Variants in ARHGEF3 observed in about 807,000 individuals in gnomAD.
ARHGEF3 encodes the protein Rho guanine nucleotide exchange factor 3.
ARHGEF3 carries 28 observed loss-of-function variants against 63.2 expected under a neutral mutation model. That is an observed-to-expected ratio of 0.44 (90% CI 0.33 to 0.61). The LOEUF is 0.61. Among genes scored for constraint, ARHGEF3 ranks in the 20% least tolerant of loss-of-function variants. ARHGEF3 has a pLI of 0.03. For missense variants in ARHGEF3, 533 were observed against 659.3 expected, an observed-to-expected ratio of 0.81 and a Z score of 2.10; for synonymous variants, 266 against 254.2, an observed-to-expected ratio of 1.05 and a Z score of -0.44.
intron 2 of ARHGEF3, among the ~76,000 whole-genome samples, chr3:56,975,421 AAAT>A (rs559603168): frequency 2.0e-5 from 3 of 152,058 alleles, no homozygotes; most frequent in Non-Finnish European, 2.9e-5. Flanking sequence ...CTGTCTCAAA[AAAT>A]AATAATAATA....
chr3:57,008,426 T>A (rs537702143), intron 2 of ARHGEF3, among the ~76,000 whole-genome samples: 1 of 151,910 alleles, frequency 6.6e-6, no homozygotes, highest in East Asian at 1.9e-4. Context: ...CTGGATGGAA[T>A]TGGAAGAAAT....
chr3:56,995,712 G>C (rs979741563), intron 2 of ARHGEF3, among the ~76,000 whole-genome samples: 1 of 150,884 alleles, frequency 6.6e-6, no homozygotes, highest in Non-Finnish European at 1.5e-5. Context: ...CCCCAGTAGA[G>C]AGAAACCTAA....
intron 3 of ARHGEF3, among the ~76,000 whole-genome samples, chr3:56,906,010 G>A (rs1396401415): frequency 2.6e-5 from 4 of 152,074 alleles, no homozygotes; most frequent in African/African-American, 4.8e-5. Flanking sequence ...GATTACAGGC[G>A]CCTGCCACCA....
intron 4 of ARHGEF3, among the ~76,000 whole-genome samples, chr3:56,875,197 A>G (rs2040545961): frequency 6.6e-6 from 1 of 152,168 alleles, no homozygotes; most frequent in Non-Finnish European, 1.5e-5. Context: ...AGTGCCCATC[A>G]CATAGTAGCA....
chr3:56,750,926 T>A, intron 6 of ARHGEF3, 130 bp downstream of exon 6: 1 of 571,002 alleles, frequency 1.8e-6, no homozygotes, highest in Non-Finnish European at 2.7e-6. Flanking sequence ...TTTACTAGGA[T>A]TTTTTTTTCT....
chr3:56,800,702 A>C (rs1337476862), intron 1 of ARHGEF3, among the ~76,000 whole-genome samples: 1 of 152,216 alleles, frequency 6.6e-6, no homozygotes, highest in Non-Finnish European at 1.5e-5. Flanking sequence ...ACCTGCCTTC[A>C]GCCTTTCCCC....
At chr3:56,814,675 A>T (rs997791243) in intron 4 of ARHGEF3, among the ~76,000 whole-genome samples, 2 of 147,686 alleles carry the variant, frequency 1.4e-5, no homozygotes, top group African/African-American at 5.0e-5. Context: ...CTTTTTTTTT[A>T]AATGAATTAA....
rs1165443598 is a variant in ARHGEF3 at position 56,968,097 on chromosome 3, A to T, written c.63-9208T>A. ...TATATTATATATTTATTATACATAA[A>T]ATATATATTGTATATAATATATATA... On this transcript the variant is annotated intron_variant, in intron 2 of 12. Transcript: ENST00000338458. Among the ~76,000 whole-genome samples the T allele has an allele frequency of 2.6e-3, 136 of 53,090 alleles. 10 individuals are homozygous for T. Among genetic ancestry groups the T allele is most frequent in the Non-Finnish European group, 3.7e-3 (114 of 30,668 alleles). The allele number at this position is 53,090 out of a possible 152,430, so 34.8% of individuals were successfully genotyped here. A position where few individuals can be genotyped will look rare whatever the true frequency, so the allele number is the denominator to read the frequency against.
At chr3:57,016,038 T>C (rs1341934059) in intron 2 of ARHGEF3, among the ~76,000 whole-genome samples, 1 of 152,244 alleles carries the variant, frequency 6.6e-6, no homozygotes, top group East Asian at 1.9e-4. Flanking sequence ...GAGCAGACCA[T>C]GCCCCTACAG....
chr3:56,946,530 A>G (rs998016954), intron 3 of ARHGEF3, among the ~76,000 whole-genome samples: 14 of 152,254 alleles, frequency 9.2e-5, no homozygotes, highest in African/African-American at 1.4e-4. Flanking sequence ...GGTATCAGTG[A>G]TGGAACATCA....
chr3:57,001,516 C>A (rs116399508), intron 2 of ARHGEF3, among the ~76,000 whole-genome samples: 2 of 152,294 alleles, frequency 1.3e-5, no homozygotes, highest in South Asian at 4.1e-4. Flanking sequence ...TCCCAAGTTG[C>A]AATTCAACAT....
chr3:56,827,567 C>T (rs2038768913), intron 4 of ARHGEF3, among the ~76,000 whole-genome samples: 1 of 151,910 alleles, frequency 6.6e-6, no homozygotes, highest in African/African-American at 2.4e-5. Context: ...GCCTCACTTA[C>T]CAAGTGCGCA....
chr3:57,042,667 TATATATATATATATATATATATATA>T (rs1560155877), intron 1 of ARHGEF3, among the ~76,000 whole-genome samples: 5 of 12,796 alleles, frequency 3.9e-4, no homozygotes, highest in African/African-American at 1.7e-3. Flanking sequence ...TATATATATA[TATATATATATATATATATATATATA>T]TATATATATT....
At chr3:57,067,337 C>A (rs1430855265) in intron 1 of ARHGEF3, among the ~76,000 whole-genome samples, 1 of 151,634 alleles carries the variant, frequency 6.6e-6, no homozygotes, top group Non-Finnish European at 1.5e-5. Flanking sequence ...CGCCTGTACT[C>A]CCAGTTACTC....
chr3:56,878,043 C>T (rs1024334383), intron 4 of ARHGEF3, among the ~76,000 whole-genome samples: 7 of 152,126 alleles, frequency 4.6e-5, no homozygotes, highest in African/African-American at 9.7e-5. Context: ...TTCTAGAGAA[C>T]GTATATTCCT....
At chr3:56,764,282 C>A (rs560148524) in intron 2 of ARHGEF3, among the ~76,000 whole-genome samples, 1 of 152,256 alleles carries the variant, frequency 6.6e-6, no homozygotes, top group South Asian at 2.1e-4. Flanking sequence ...GTAGCTCAAC[C>A]ATCTTCATTG....
chr3:56,963,727 C>T (rs1179841339), intron 2 of ARHGEF3, among the ~76,000 whole-genome samples: 2 of 152,120 alleles, frequency 1.3e-5, no homozygotes, highest in Non-Finnish European at 2.9e-5. Flanking sequence ...AATGTGGTAC[C>T]ACCTGTGCCA....
chr3:56,982,813 CCTT>C, intron 2 of ARHGEF3, among the ~76,000 whole-genome samples: 1 of 152,072 alleles, frequency 6.6e-6, no homozygotes, highest in Non-Finnish European at 1.5e-5. Flanking sequence ...CCCTGGCTGT[CCTT>C]CCTCCTCTTT....
At chr3:56,809,734 CTT>C (rs60689556) in intron 4 of ARHGEF3, among the ~76,000 whole-genome samples, 1 of 147,694 alleles carries the variant, frequency 6.8e-6, no homozygotes, top group Non-Finnish European at 1.5e-5. Context: ...TTTTACTTTA[CTT>C]TTTTTTTTTC....
Sources: gnomAD v4.1 joint callset for allele counts (sites outside exome capture counted in the v4.1 genomes callset) on GRCh38, gnomAD v4.1.1 for gene constraint, MANE v1.5 for transcripts, NCBI Gene and HGNC (gene_info 2026-07-23, HGNC 2026-07-21) for gene names.